The following PSMD13 variants were observed in gnomAD, a reference collection of about 807,000 sequenced individuals.
PSMD13 encodes the protein 26S proteasome non-ATPase regulatory subunit 13.
PSMD13 carries 8 observed loss-of-function variants against 57.4 expected under a neutral mutation model. The ratio of observed to expected loss-of-function variants is 0.14; its 90% CI spans 0.08 to 0.25. The LOEUF (loss-of-function observed/expected upper bound fraction) is 0.25. Ranked by LOEUF, PSMD13 falls within the 10% of genes least tolerant of loss-of-function variation. The probability of loss-of-function intolerance (pLI) is 1.00; values close to 1 mark genes in which losing one functional copy is unlikely to be tolerated. For synonymous variants in PSMD13, 193 were observed against 168.2 expected (o/e 1.15, Z -1.14); for missense variants, 400 against 461.5 (o/e 0.87, Z 1.22).
chr11:242,641 G>A (rs73394734), intron 2 of PSMD13, among the ~76,000 whole-genome samples: 3 of 151,996 alleles, frequency 2.0e-5, no homozygotes, highest in African/African-American at 4.8e-5. Context: ...TGTCAACTCC[G>A]ATGATAAAGA....
At chr11:247,704 G>A (rs930600166) in intron 7 of PSMD13, 6 of 293,660 alleles carry the variant, frequency 2.0e-5, no homozygotes, top group African/African-American at 4.5e-5. Flanking sequence ...GTGATGGTGG[G>A]TGCCTGTAAT....
chr11:246,303 A>G (rs185682454), intron 6 of PSMD13, among the ~76,000 whole-genome samples: 6 of 152,200 alleles, frequency 3.9e-5, no homozygotes, highest in African/African-American at 9.6e-5. Flanking sequence ...GGAGTTCAAG[A>G]CCAACCCAGC....
In PSMD13 at chr11:244,056, A is replaced by G. The variant is rs1277693186; in HGVS notation, c.190A>G (p.Ile64Val). The change falls in exon 3 of 13, where the codon ATC (isoleucine) becomes GTC (valine). Residue 64 changes from isoleucine to valine, a missense_variant. Physicochemically the swap from Ile to Val is conservative, Grantham distance 29. Coordinates refer to ENST00000532097, the MANE Select transcript of PSMD13 (RefSeq NM_002817.4). ...DGLIKLYENF[I>V]SEFEHRVNPL... ...GGTTTCACAGCTTTATGAAAACTTTATCAGTGAATTTGAACACAGGTAAAA... is the reference window on the plus strand; with the variant it reads ...GGTTTCACAGCTTTATGAAAACTTTGTCAGTGAATTTGAACACAGGTAAAA... The G allele has an allele frequency of 3.1e-6, 5 of 1,608,802 alleles. No homozygotes were observed. The highest frequency in any genetic ancestry group is 3.3e-4 in the Middle Eastern group (2 of 6,058).
At chr11:247,812 G>A (rs907067177) in intron 7 of PSMD13, 6 of 163,376 alleles carry the variant, frequency 3.7e-5, no homozygotes, top group Admixed American at 6.3e-5. Flanking sequence ...CAGCCTGGGT[G>A]ACAGAGCGAG....
At chr11:248,158 A>C (rs1458360771) in intron 7 of PSMD13, 1 of 147,910 alleles carries the variant, frequency 6.8e-6, no homozygotes, top group Non-Finnish European at 1.5e-5. Context: ...ACCCATGGGG[A>C]CAAATTATTA....
At position 252,666 on chromosome 11, in the gene PSMD13, C is replaced by CTGG; in HGVS notation, c.*67_*69dup. 1 of 1,460,322 alleles carries CTGG rather than the reference C, an allele frequency of 6.8e-7. No individual in the cohort carries two copies. Among genetic ancestry groups the CTGG allele is most frequent in the African/African-American group, 1.4e-5 (1 of 71,756 alleles). 90.5% of individuals were successfully genotyped at this position (1,460,322 alleles called of 1,614,324 possible). ...AGAGAGGCGTTTGCAGCCAATGAAGCTGGCTGCTCAGACGGTCGACATTGA... is the reference window on the plus strand; with the variant it reads ...AGAGAGGCGTTTGCAGCCAATGAAGCTGGTGGCTGCTCAGACGGTCGACATTGA... On this transcript the variant is annotated 3_prime_UTR_variant, in exon 13 of 13. Transcript: ENST00000532097. This position sits in a 1 kb window ranked among gnomAD's most constrained non-coding sequence, Gnocchi z 4.1.
At chr11:249,554 G>C (rs1859729781) in intron 9 of PSMD13, among the ~76,000 whole-genome samples, 1 of 125,592 alleles carries the variant, frequency 8.0e-6, no homozygotes, top group Non-Finnish European at 1.8e-5. Flanking sequence ...GGGAGGGGGA[G>C]AGCGGCGGGT....
chr11:251,637 T>C lies in PSMD13; in HGVS notation c.918+11T>C. 1 of 1,609,078 alleles carries C rather than the reference T, an allele frequency of 6.2e-7. No individual in the cohort carries two copies. The highest frequency in any genetic ancestry group is 8.5e-7 in the Non-Finnish European group (1 of 1,175,558). On this transcript the variant is annotated intron_variant, in intron 11 of 12. Transcript: ENST00000532097. This position sits in a 1 kb window ranked among gnomAD's most constrained non-coding sequence, Gnocchi z 4.6. ...ATCACAGTGAATGAGGTACGGTCCC[T>C]AGGCTCAGGGTGTTAGAGCAGCAAA...
At chr11:243,618 G>C (rs1192706476) in intron 2 of PSMD13, 3 of 372,798 alleles carry the variant, frequency 8.0e-6, no homozygotes, top group African/African-American at 6.4e-5. Flanking sequence ...TGGTAGGCTG[G>C]GGACCACACG....
intron 2 of PSMD13, among the ~76,000 whole-genome samples, chr11:241,321 T>C (rs1355210645): frequency 6.6e-6 from 1 of 151,830 alleles, no homozygotes; most frequent in African/African-American, 2.4e-5. Context: ...GTAGTTTTAG[T>C]AGAGATGGCA....
Position 252,067 on chromosome 11 carries a change from A to G in PSMD13, c.1035+131A>G. 1 of 857,362 alleles carries G rather than the reference A, an allele frequency of 1.2e-6. No individual in the cohort carries two copies. Among genetic ancestry groups the G allele is most frequent in the Non-Finnish European group, 1.9e-6 (1 of 535,694 alleles). The allele number at this position is 857,362 out of a possible 1,614,324, so 53.1% of individuals were successfully genotyped here. ...TAGACAAGAGGTTTTGGAGAAGGAA[A>G]TACTGCTGTTGGGTTTTTCTAAGAG... is the stretch of plus-strand genomic sequence containing the variant. On this transcript the variant is annotated intron_variant, in intron 12 of 12. Transcript: ENST00000532097. This position sits in a 1 kb window ranked among gnomAD's most constrained non-coding sequence, Gnocchi z 4.1.
In PSMD13 at chr11:237,180, A is replaced by G. The variant is rs376058802; in HGVS notation, c.95+36A>G. On this transcript the variant is annotated intron_variant, in intron 1 of 12. Coordinates refer to ENST00000532097, the MANE Select transcript of PSMD13 (RefSeq NM_002817.4). The stretch of plus-strand genomic sequence containing the variant: ...AGCAGACGGGCCCTGGGCCCCGGCG[A>G]TAGAGGGAGACGGAGGGGGCAGGCG... The G allele has an allele frequency of 2.5e-6, 4 of 1,579,386 alleles. No individual in the cohort carries two copies. In the South Asian group the frequency reaches 4.5e-5, roughly 18 times the overall value.
intron 2 of PSMD13, 79 bp downstream of exon 2, chr11:239,155 T>A: frequency 7.9e-7 from 1 of 1,262,844 alleles, no homozygotes; most frequent in East Asian, 2.3e-5. Flanking sequence ...TTTATGCTAA[T>A]AATAATAATA....
At position 240,867 on chromosome 11, in the gene PSMD13, T is replaced by C. The variant is rs7481518; in HGVS notation, c.174+1791T>C. ...ATTTTTTGAGACGGAGTTTCATTCT[T>C]ATCACCCAGGCTGGAGTGCAATGGC... is the stretch of plus-strand genomic sequence containing the variant. On this transcript the variant is annotated intron_variant, in intron 2 of 12. Coordinates refer to ENST00000532097, the MANE Select transcript of PSMD13 (RefSeq NM_002817.4). Among the ~76,000 whole-genome samples, 6 of 151,786 alleles carry C rather than the reference T, an allele frequency of 4.0e-5. No individual in the cohort carries two copies. The South Asian group carries it at 6.2e-4, about 16-fold the overall frequency.
chr11:245,694 T>C (rs1050606379), intron 6 of PSMD13, among the ~76,000 whole-genome samples: 1 of 68,698 alleles, frequency 1.5e-5, no homozygotes, highest in Non-Finnish European at 3.1e-5. Context: ...GCATGTGTGT[T>C]CGTGTGTTTG....
In PSMD13 at chr11:237,159, G is replaced by A. The variant is rs1306047702; in HGVS notation, c.95+15G>A. On this transcript the variant is annotated intron_variant, in intron 1 of 12. Transcript: ENST00000532097. ...TACACGAAGAAGTGAGCGCCGAGCAGACGGGCCCTGGGCCCCGGCGATAGA... is the reference window on the plus strand; with the variant it reads ...TACACGAAGAAGTGAGCGCCGAGCAAACGGGCCCTGGGCCCCGGCGATAGA... 6.2e-7 allele frequency: 1 copy of A among 1,605,478 alleles called. No individual in the cohort carries two copies. Among genetic ancestry groups the A allele is most frequent in the South Asian group, 1.1e-5 (1 of 90,594 alleles).
chr11:250,903 C>T, intron 10 of PSMD13, 38 bp downstream of exon 10: 1 of 1,600,642 alleles, frequency 6.2e-7, no homozygotes. Context: ...TCTGTGGTTT[C>T]AGATTTTGGT....
intron 1 of PSMD13, among the ~76,000 whole-genome samples, chr11:238,731 AT>A (rs1379196521): frequency 6.6e-6 from 1 of 152,192 alleles, no homozygotes; most frequent in Non-Finnish European, 1.5e-5. Flanking sequence ...ATTTTTTCAA[AT>A]TTTGAAATAT....
chr11:243,318 C>A (rs763487627), intron 2 of PSMD13: 2 of 383,724 alleles, frequency 5.2e-6, no homozygotes, highest in Non-Finnish European at 1.1e-5. Context: ...CGATTCCATT[C>A]TCTAGAGAAC....
Sources: allele counts gnomAD v4.1 joint callset (sites outside exome capture counted in the v4.1 genomes callset), GRCh38; gene constraint gnomAD v4.1.1; non-coding constraint Gnocchi (gnomAD v3.1); transcripts MANE v1.5; gene names NCBI Gene and HGNC (gene_info 2026-07-23, HGNC 2026-07-21).